OPRL1: variants seen among roughly 807,000 people sequenced by gnomAD.
The protein encoded by OPRL1 is nociceptin receptor.
A neutral mutation model predicts 15.5 loss-of-function variants in OPRL1; 5 were observed. The observed-to-expected ratio is 0.32, with a 90% CI of 0.17 to 0.68. The LOEUF is 0.68. Among genes scored for constraint, OPRL1 ranks in the 30% least tolerant of loss-of-function variants. OPRL1 has a pLI of 0.72. For missense variants in OPRL1, 406 were observed against 515.3 expected, an observed-to-expected ratio of 0.79 and a Z score of 2.05; for synonymous variants, 223 against 230.2, an observed-to-expected ratio of 0.97 and a Z score of 0.28.
In OPRL1 at chr20:64,083,549, C is replaced by T. The variant is rs2059994868; in HGVS notation, c.-185+3197C>T. ...TGTGCGGAGGCGGGCAGGGCCCCTC[C>T]CCTTTCCCCGCCCCTACCGGGGCTT... On this transcript the variant is annotated intron_variant, in intron 1 of 4. Transcript: ENST00000336866. This position sits in a 1 kb window ranked among gnomAD's most constrained non-coding sequence, Gnocchi z 4.9. 1.3e-6 allele frequency: 2 copies of T among 1,537,390 alleles called. No homozygotes were observed. Among genetic ancestry groups the T allele is most frequent in the Admixed American group, 2.0e-5 (1 of 49,024 alleles).
In OPRL1 at chr20:64,083,520, G is replaced by T. The variant is rs762691923; in HGVS notation, c.-185+3168G>T. 1.3e-6 allele frequency: 2 copies of T among 1,572,102 alleles called. No individual in the cohort carries two copies. Among genetic ancestry groups the T allele is most frequent in the African/African-American group, 1.4e-5 (1 of 73,732 alleles). ...CTGCCGGGGAGAGAGGCTGGGGTCC[G>T]GCGTGTGCGGAGGCGGGCAGGGCCC... is the stretch of plus-strand genomic sequence containing the variant. On this transcript the variant is annotated intron_variant, in intron 1 of 4. Transcript: ENST00000336866. The surrounding 1 kb of genome is among the most constrained non-coding windows in gnomAD (Gnocchi z 4.9).
Position 64,092,865 on chromosome 20 carries a change from G to C in OPRL1, c.145G>C (p.Gly49Arg). ...NASHGAFLPLGLKVTIVGLYL... is the reference protein window; with the variant it reads ...NASHGAFLPLRLKVTIVGLYL... ...CAGCCACGGCGCCTTCCTGCCCCTCGGGCTCAAGGTCACCATCGTGGGGCT... is the reference window on the plus strand; with the variant it reads ...CAGCCACGGCGCCTTCCTGCCCCTCCGGCTCAAGGTCACCATCGTGGGGCT... Residue 49 changes from glycine (G) to arginine (R), a missense_variant, in exon 3 of 5, where the codon GGG (glycine) becomes CGG (arginine). Gly to Arg is a moderately radical substitution (Grantham distance 125). Transcript: ENST00000336866. 1 of 1,612,690 alleles carries C rather than the reference G, an allele frequency of 6.2e-7. No individual in the cohort carries two copies. The highest frequency in any genetic ancestry group is 8.5e-7 in the Non-Finnish European group (1 of 1,179,916).
At chr20:64,084,503 C>G in intron 1 of OPRL1, 1 of 718,798 alleles carries the variant, frequency 1.4e-6, no homozygotes, top group Non-Finnish European at 1.9e-6. Flanking sequence ...CTTTCCTACC[C>G]GATGGACTGT....
Position 64,083,635 on chromosome 20 carries a change from AGGAACAGCTCCAGCC to A in OPRL1, c.-185+3287_-185+3301del. On this transcript the variant is annotated intron_variant, in intron 1 of 4. Coordinates refer to ENST00000336866, the MANE Select transcript of OPRL1 (RefSeq NM_182647.4). This position sits in a 1 kb window ranked among gnomAD's most constrained non-coding sequence, Gnocchi z 4.9. ...CCGCGCGGGCTTCAGCTGCGGCGGC[AGGAACAGCTCCAGCC>A]GGATGGCGGCGCGCGCGGACTTCTG... 2 of 1,474,362 alleles carry A rather than the reference AGGAACAGCTCCAGCC, an allele frequency of 1.4e-6. No homozygotes were observed. Among genetic ancestry groups the A allele is most frequent in the Non-Finnish European group, 1.8e-6 (2 of 1,115,512 alleles). The allele number at this position is 1,474,362 out of a possible 1,614,324, so 91.3% of individuals were successfully genotyped here.
At chr20:64,088,006 A>G (rs1050405662) in intron 1 of OPRL1, among the ~76,000 whole-genome samples, 5 of 152,226 alleles carry the variant, frequency 3.3e-5, no homozygotes, top group African/African-American at 1.2e-4. Context: ...TCCCCTAGCC[A>G]GGTGACCAGG....
In OPRL1 at chr20:64,098,639, T is replaced by C; in HGVS notation, c.953T>C (p.Leu318Pro). The change falls in exon 5 of 5, where the codon CTC becomes CCC. Residue 318 changes from leucine to proline, a missense_variant. By Grantham distance (98) the Leu-to-Pro change is moderately conservative (BLOSUM62 -3). Transcript: ENST00000336866. ...GTCAACAGCTGCCTCAACCCCATCC[T>C]CTACGCCTTCCTGGATGAGAACTTC... ...GYVNSCLNPI[L>P]YAFLDENFKA... 6.2e-7 allele frequency: 1 copy of C among 1,612,974 alleles called. No individual in the cohort carries two copies. Among genetic ancestry groups the C allele is most frequent in the Non-Finnish European group, 8.5e-7 (1 of 1,179,972 alleles).
rs576005475 is a variant in OPRL1 at position 64,098,120 on chromosome 20, C to T, written c.552C>T (p.Pro184=). The change falls in exon 4 of 5, where the codon CCC becomes CCT. Residue 184 remains proline (P), a synonymous_variant. Transcript: ENST00000336866. ...CCCTGGCCTCTGTTGTCGGTGTTCC[C>T]GTTGCCATCATGGGCTCGGCACAGG... ...IWALASVVGV[P]VAIMGSAQVE... The T allele has an allele frequency of 3.1e-5, 50 of 1,613,220 alleles. No individual in the cohort carries two copies. Among genetic ancestry groups the T allele is most frequent in the East Asian group, 2.9e-4 (13 of 44,868 alleles).
At position 64,083,677 on chromosome 20, in the gene OPRL1, C is replaced by T. The variant is rs1319141240; in HGVS notation, c.-185+3325C>T. Reference sequence around the variant, plus strand: ...GATGGCGGCGCGCGCGGACTTCTGCCGCTGGATGAGCAGCGCGATCTCCTC... The same window carrying T: ...GATGGCGGCGCGCGCGGACTTCTGCTGCTGGATGAGCAGCGCGATCTCCTC... On this transcript the variant is annotated intron_variant, in intron 1 of 4. Coordinates refer to ENST00000336866, the MANE Select transcript of OPRL1 (RefSeq NM_182647.4). The surrounding 1 kb of genome is among the most constrained non-coding windows in gnomAD (Gnocchi z 4.9). The T allele has an allele frequency of 3.5e-6, 5 of 1,427,192 alleles. No homozygotes were observed. In the African/African-American group the frequency reaches 6.0e-5, roughly 17 times the overall value. 88.4% of individuals were successfully genotyped at this position (1,427,192 alleles called of 1,614,324 possible).
chr20:64,096,705 A>C (rs1175158594), intron 3 of OPRL1, among the ~76,000 whole-genome samples: 1 of 151,466 alleles, frequency 6.6e-6, no homozygotes, highest in East Asian at 1.9e-4. Context: ...TCATCATCAC[A>C]ATCATCACCA....
Position 64,092,934 on chromosome 20 carries a change from G to T in OPRL1, c.214G>T (p.Val72Phe). The T allele has an allele frequency of 6.2e-7, 1 of 1,612,496 alleles. No homozygotes were observed. The highest frequency in any genetic ancestry group is 8.5e-7 in the Non-Finnish European group (1 of 1,179,720). Reference protein sequence around the residue: ...CVGGLLGNCLVMYVILRHTKM... With the variant: ...CVGGLLGNCLFMYVILRHTKM... ...CGGAGGGCTCCTGGGGAACTGCCTT[G>T]TCATGTACGTCATCCTCAGGTAGGC... is the stretch of plus-strand genomic sequence containing the variant. Residue 72 changes from valine to phenylalanine, a missense_variant, in exon 3 of 5, where the codon GTC becomes TTC. Transcript: ENST00000336866.
chr20:64,095,267 G>T (rs1444581880), intron 3 of OPRL1, among the ~76,000 whole-genome samples: 9 of 72,060 alleles, frequency 1.2e-4, no homozygotes, highest in Non-Finnish European at 1.1e-4. Context: ...GGGATAGTGT[G>T]GGGGGGATAG....
rs1404754182 is a variant in OPRL1 at position 64,089,087 on chromosome 20, C to G, written c.-184-2879C>G. ...CTATGTGGGTGGGGGGCAGGTTCTG[C>G]GCAGGGGGCCTAGGCTGTTCAGCAT... On this transcript the variant is annotated intron_variant, in intron 1 of 4. Coordinates refer to ENST00000336866, the MANE Select transcript of OPRL1 (RefSeq NM_182647.4). This position sits in a 1 kb window ranked among gnomAD's most constrained non-coding sequence, Gnocchi z 5.5. Among the ~76,000 whole-genome samples, 40 of 132,838 alleles carry G rather than the reference C, an allele frequency of 3.0e-4. No individual in the cohort carries two copies. The highest frequency in any genetic ancestry group is 7.9e-5 in the Non-Finnish European group (5 of 63,160). The allele number at this position is 132,838 out of a possible 152,430, so 87.1% of individuals were successfully genotyped here.
At chr20:64,096,707 T>A (rs1202997251) in intron 3 of OPRL1, among the ~76,000 whole-genome samples, 5 of 151,790 alleles carry the variant, frequency 3.3e-5, no homozygotes, top group Non-Finnish European at 7.4e-5. Flanking sequence ...ATCATCACAA[T>A]CATCACCATC....
intron 1 of OPRL1, among the ~76,000 whole-genome samples, chr20:64,091,441 T>A (rs1416576577): frequency 6.6e-6 from 1 of 152,236 alleles, no homozygotes; most frequent in Non-Finnish European, 1.5e-5. Context: ...TGAGGCTTCG[T>A]GCTCTCAGCA....
In OPRL1 at chr20:64,083,683, A is replaced by G. The variant is rs1431967624; in HGVS notation, c.-185+3331A>G. ...GGCGCGCGCGGACTTCTGCCGCTGG[A>G]TGAGCAGCGCGATCTCCTCGGCCTG... On this transcript the variant is annotated intron_variant, in intron 1 of 4. Coordinates refer to ENST00000336866, the MANE Select transcript of OPRL1 (RefSeq NM_182647.4). The surrounding 1 kb of genome is among the most constrained non-coding windows in gnomAD (Gnocchi z 4.9). The G allele has an allele frequency of 9.1e-6, 13 of 1,422,146 alleles. No individual in the cohort carries two copies. Among genetic ancestry groups the G allele is most frequent in the Non-Finnish European group, 1.1e-5 (12 of 1,095,494 alleles). The allele number at this position is 1,422,146 out of a possible 1,614,324, so 88.1% of individuals were successfully genotyped here. A position where few individuals can be genotyped will look rare whatever the true frequency, so the allele number is the denominator to read the frequency against.
chr20:64,085,692 C>T (rs2060040574), intron 1 of OPRL1, among the ~76,000 whole-genome samples: 1 of 152,220 alleles, frequency 6.6e-6, no homozygotes, highest in African/African-American at 2.4e-5. Context: ...TCTCTATATT[C>T]ACAGACCTGC....
In OPRL1 at chr20:64,089,562, A is replaced by C. The variant is rs1601636947; in HGVS notation, c.-184-2404A>C. ...CTTGATCTCTCCATACTTCCTCCCC[A>C]CTCCTTTCCCTTTCCTCCTCCTCCC... On this transcript the variant is annotated intron_variant, in intron 1 of 4. Coordinates refer to ENST00000336866, the MANE Select transcript of OPRL1 (RefSeq NM_182647.4). This position sits in a 1 kb window ranked among gnomAD's most constrained non-coding sequence, Gnocchi z 5.5. Among the ~76,000 whole-genome samples the C allele has an allele frequency of 1.4e-5, 2 of 147,148 alleles. No homozygotes were observed. The highest frequency in any genetic ancestry group is 2.0e-4 in the East Asian group (1 of 5,018).
Position 64,092,737 on chromosome 20 carries a change from C to A in OPRL1, c.17C>A (p.Pro6His). ...GGCAGTGGCATGGAGCCCCTCTTCC[C>A]CGCGCCGTTCTGGGAGGTTATCTAC... is the stretch of plus-strand genomic sequence containing the variant. MEPLF[P>H]APFWEVIYGS... The change falls in exon 3 of 5, where the codon CCC becomes CAC. Residue 6 changes from proline to histidine, a missense_variant. By Grantham distance (77) the Pro-to-His change is moderately conservative. Coordinates refer to ENST00000336866, the MANE Select transcript of OPRL1 (RefSeq NM_182647.4). 1.2e-6 allele frequency: 2 copies of A among 1,612,382 alleles called. No individual in the cohort carries two copies. Among genetic ancestry groups the A allele is most frequent in the South Asian group, 2.2e-5 (2 of 91,050 alleles).
At chr20:64,086,538 C>T (rs1430277737) in intron 1 of OPRL1, 1 of 197,504 alleles carries the variant, frequency 5.1e-6, no homozygotes, top group African/African-American at 2.4e-5. Flanking sequence ...AACGGAAATG[C>T]TGAGATCTAA....
Sources: allele counts gnomAD v4.1 joint callset (sites outside exome capture counted in the v4.1 genomes callset), GRCh38; gene constraint gnomAD v4.1.1; non-coding constraint Gnocchi (gnomAD v3.1); transcripts MANE v1.5; gene names NCBI Gene and HGNC (gene_info 2026-07-23, HGNC 2026-07-21).